CCBE1: variants seen among roughly 807,000 people sequenced by gnomAD.
CCBE1 encodes collagen and calcium binding EGF domains 1.
Under a neutral mutation model 50.0 loss-of-function variants are expected in CCBE1, and 37 were observed. The ratio of observed to expected loss-of-function variants is 0.74; its 90% confidence interval spans 0.57 to 0.97. The LOEUF (loss-of-function observed/expected upper bound fraction) is 0.97. Ranked by LOEUF, CCBE1 falls within the 50% of genes least tolerant of loss-of-function variation. The pLI, the probability that CCBE1 is intolerant of heterozygous loss-of-function variation, is 0.00. For synonymous variants in CCBE1, 234 were observed against 203.7 expected (o/e 1.15, Z -1.27); for missense variants, 538 against 523.8 (o/e 1.03, Z -0.26).
chr18:59,588,812 C>A (rs552431061), intron 2 of CCBE1, among the ~76,000 whole-genome samples: 1 of 152,292 alleles, frequency 6.6e-6, no homozygotes, highest in East Asian at 1.9e-4. Context: ...CCCCTAGCAT[C>A]CTCTCAAGCA....
chr18:59,592,748 AG>A (rs988453190), intron 2 of CCBE1, among the ~76,000 whole-genome samples: 13 of 152,156 alleles, frequency 8.5e-5, no homozygotes, highest in Admixed American at 4.6e-4. Flanking sequence ...TTCTCCATAT[AG>A]TTTTGTTTAG....
intron 9 of CCBE1, among the ~76,000 whole-genome samples, chr18:59,439,102 C>T (rs11152146): frequency 0.66 from 100,552 of 151,758 alleles, 33,955 homozygotes; most frequent in South Asian, 0.77. Flanking sequence ...CTGGCTAACA[C>T]GATGAAACCC....
At chr18:59,594,129 C>T (rs775803709) in intron 2 of CCBE1, among the ~76,000 whole-genome samples, 4 of 152,348 alleles carry the variant, frequency 2.6e-5, no homozygotes, top group Middle Eastern at 3.4e-3. Flanking sequence ...TTCTTGCCAT[C>T]TTGGGGCCCC....
chr18:59,626,661 C>A (rs745673955), intron 2 of CCBE1, among the ~76,000 whole-genome samples: 2 of 152,236 alleles, frequency 1.3e-5, no homozygotes, highest in Non-Finnish European at 2.9e-5. Context: ...ATCACCTGGC[C>A]CAAGGCCATA....
At chr18:59,526,339 T>C (rs1482705887) in intron 2 of CCBE1, among the ~76,000 whole-genome samples, 5 of 149,572 alleles carry the variant, frequency 3.3e-5, no homozygotes, top group Admixed American at 1.3e-4. Context: ...AGATGGAATC[T>C]CACTCTGTCG....
chr18:59,647,141 C>T (rs1005401423), intron 2 of CCBE1, among the ~76,000 whole-genome samples: 4 of 152,190 alleles, frequency 2.6e-5, no homozygotes, highest in Non-Finnish European at 4.4e-5. Flanking sequence ...CTCCTTTAAT[C>T]CCTATTTACA....
chr18:59,665,627 T>C (rs947776061), intron 2 of CCBE1, among the ~76,000 whole-genome samples: 1 of 152,152 alleles, frequency 6.6e-6, no homozygotes, highest in Non-Finnish European at 1.5e-5. Flanking sequence ...AAGAGGAAAA[T>C]GTGCTTTTCT....
At chr18:59,540,438 A>G (rs1915424218) in intron 2 of CCBE1, among the ~76,000 whole-genome samples, 1 of 152,216 alleles carries the variant, frequency 6.6e-6, no homozygotes, top group African/African-American at 2.4e-5. Context: ...CCATGTGTCC[A>G]TGTTCTAGCT....
At chr18:59,489,509 G>A (rs1568167404) in intron 2 of CCBE1, among the ~76,000 whole-genome samples, 1 of 152,132 alleles carries the variant, frequency 6.6e-6, no homozygotes, top group Non-Finnish European at 1.5e-5. Flanking sequence ...TACCTCCTGG[G>A]TTCAAGTGAT....
At chr18:59,610,227 C>T (rs1459215620) in intron 2 of CCBE1, among the ~76,000 whole-genome samples, 1 of 152,114 alleles carries the variant, frequency 6.6e-6, no homozygotes, top group Non-Finnish European at 1.5e-5. Context: ...CAAGCAGGTG[C>T]ATTAGCTTTA....
At chr18:59,641,959 G>A (rs949195192) in intron 2 of CCBE1, among the ~76,000 whole-genome samples, 13 of 152,138 alleles carry the variant, frequency 8.5e-5, no homozygotes, top group Middle Eastern at 3.2e-3. Flanking sequence ...ACATGGATTG[G>A]AGAAGGTGAA....
At chr18:59,542,728 T>TGC (rs565607994) in intron 2 of CCBE1, among the ~76,000 whole-genome samples, 5 of 152,214 alleles carry the variant, frequency 3.3e-5, no homozygotes, top group Non-Finnish European at 7.3e-5. Context: ...TGCTTTGGAA[T>TGC]GCCTCTGAAG....
At chr18:59,561,960 G>A (rs907327851) in intron 2 of CCBE1, among the ~76,000 whole-genome samples, 2 of 152,132 alleles carry the variant, frequency 1.3e-5, no homozygotes, top group Non-Finnish European at 2.9e-5. Flanking sequence ...CCCCTGAGGT[G>A]TTCTTTCTGC....
At chr18:59,511,091 T>A (rs980661065) in intron 2 of CCBE1, among the ~76,000 whole-genome samples, 1 of 152,218 alleles carries the variant, frequency 6.6e-6, no homozygotes, top group African/African-American at 2.4e-5. Flanking sequence ...CAGAGTCCTG[T>A]GTCTTCAGGA....
intron 2 of CCBE1, among the ~76,000 whole-genome samples, chr18:59,501,289 T>C (rs1022292069): frequency 6.6e-6 from 1 of 152,142 alleles, no homozygotes; most frequent in African/African-American, 2.4e-5. Flanking sequence ...GGACAGCACA[T>C]CTCCTTTTAC....
At chr18:59,632,901 G>A (rs2053868158) in intron 2 of CCBE1, among the ~76,000 whole-genome samples, 2 of 152,096 alleles carry the variant, frequency 1.3e-5, no homozygotes, top group Non-Finnish European at 2.9e-5. Flanking sequence ...GAGCCACCGC[G>A]CCTGGCGAGG....
chr18:59,447,395 T>C (rs1260925492), intron 7 of CCBE1, among the ~76,000 whole-genome samples: 1 of 152,196 alleles, frequency 6.6e-6, no homozygotes, highest in Non-Finnish European at 1.5e-5. Flanking sequence ...TCTTGAAATA[T>C]AGGATGGGAG....
chr18:59,476,931 T>C (rs1306817931), intron 3 of CCBE1, among the ~76,000 whole-genome samples: 1 of 152,206 alleles, frequency 6.6e-6, no homozygotes, highest in African/African-American at 2.4e-5. Flanking sequence ...GTGGCACCAC[T>C]CACTGTTATC....
chr18:59,485,321 G>A (rs1166880139), intron 2 of CCBE1, among the ~76,000 whole-genome samples: 1 of 152,112 alleles, frequency 6.6e-6, no homozygotes, highest in Non-Finnish European at 1.5e-5. Flanking sequence ...GAGTGTGTGT[G>A]AGCTTTTGGA....
Sources: gnomAD v4.1 joint callset for allele counts (sites outside exome capture counted in the v4.1 genomes callset) on GRCh38, gnomAD v4.1.1 for gene constraint, MANE v1.5 for transcripts, NCBI Gene and HGNC (gene_info 2026-07-23, HGNC 2026-07-21) for gene names.